Variants in NTN1 observed in about 807,000 individuals in gnomAD.
NTN1 encodes the protein netrin 1, also known as netrin-1.
Under a neutral mutation model 54.2 loss-of-function variants are expected in NTN1, and 11 were observed. The observed-to-expected ratio is 0.20, with a 90% confidence interval of 0.13 to 0.34. The LOEUF (loss-of-function observed/expected upper bound fraction) is 0.34, where lower values mean the gene tolerates loss of function less well. Ranked by LOEUF, NTN1 falls within the 10% of genes least tolerant of loss-of-function variation. The pLI is 1.00. For missense variants in NTN1, 740 were observed against 893.1 expected (o/e 0.83, Z 2.18); for synonymous variants, 371 against 382.0 (o/e 0.97, Z 0.33).
At chr17:9,233,414 G>C (rs558303380) in intron 6 of NTN1, among the ~76,000 whole-genome samples, 3 of 151,998 alleles carry the variant, frequency 2.0e-5, no homozygotes, top group African/African-American at 7.3e-5. Context: ...TGGCCCGGGC[G>C]GGGAGCTTTG....
intron 2 of NTN1, among the ~76,000 whole-genome samples, chr17:9,030,258 C>A (rs1248661850): frequency 6.6e-6 from 1 of 152,168 alleles, no homozygotes; most frequent in African/African-American, 2.4e-5. Flanking sequence ...AAGATACTCT[C>A]CGAGGAGAAA....
intron 3 of NTN1, 21 bp from the exon 4 acceptor site, chr17:9,179,786 C>A: frequency 6.2e-7 from 1 of 1,610,530 alleles, no homozygotes; most frequent in Non-Finnish European, 8.5e-7. Flanking sequence ...GTCTGACCCT[C>A]CCATTTTGTG....
intron 2 of NTN1, among the ~76,000 whole-genome samples, chr17:9,120,234 G>A (rs892174101): frequency 2.7e-5 from 4 of 148,670 alleles, no homozygotes; most frequent in South Asian, 2.1e-4. Context: ...GCAGTGAGCC[G>A]AGATCATGCC....
intron 2 of NTN1, among the ~76,000 whole-genome samples, chr17:9,110,374 A>G (rs959055186): frequency 2.0e-5 from 3 of 151,798 alleles, no homozygotes; most frequent in Non-Finnish European, 4.4e-5. Context: ...GGTTTAAACA[A>G]TTCTCCTGCC....
rs1905290489 is a variant in NTN1, at chr17:9,219,794, G to A, written c.1412-1374G>A. Among the ~76,000 whole-genome samples the A allele has an allele frequency of 6.6e-6, 1 of 152,238 alleles. No individual in the cohort carries two copies. The highest frequency in any genetic ancestry group is 2.4e-5 in the African/African-American group (1 of 41,460). Reference sequence around the variant, plus strand: ...CCTTTGTTTTCCCCTCTGCGGGATAGGACGCTGCCACCTGCCCCTGGAGCA... The same window carrying A: ...CCTTTGTTTTCCCCTCTGCGGGATAAGACGCTGCCACCTGCCCCTGGAGCA... On this transcript the variant is annotated intron_variant, in intron 5 of 6. Coordinates refer to ENST00000173229, the MANE Select transcript of NTN1 (RefSeq NM_004822.3). The surrounding 1 kb of genome is among the most constrained non-coding windows in gnomAD (Gnocchi z 4.5).
chr17:9,128,964 C>T (rs2092255404), intron 2 of NTN1, among the ~76,000 whole-genome samples: 1 of 152,198 alleles, frequency 6.6e-6, no homozygotes, highest in Non-Finnish European at 1.5e-5. Context: ...GCAGCTCTTT[C>T]CCCAATGCTG....
At chr17:9,189,935 C>T (rs903111063) in intron 5 of NTN1, among the ~76,000 whole-genome samples, 1 of 152,164 alleles carries the variant, frequency 6.6e-6, no homozygotes, top group Non-Finnish European at 1.5e-5. Context: ...ACAAGGTAGC[C>T]AGGGTGAGAC....
chr17:9,093,154 A>G (rs138591169), intron 2 of NTN1, among the ~76,000 whole-genome samples: 2,526 of 152,170 alleles, frequency 0.017, 68 homozygotes, highest in African/African-American at 0.058. Flanking sequence ...CGGCCTCCCA[A>G]AGTGTTGCGA....
At chr17:9,151,725 C>T (rs2092328086) in intron 2 of NTN1, among the ~76,000 whole-genome samples, 1 of 152,198 alleles carries the variant, frequency 6.6e-6, no homozygotes, top group Admixed American at 6.5e-5. Context: ...CTAAGGCTGA[C>T]CACGGAGGGT....
chr17:9,216,775 G>T (rs577513371), intron 5 of NTN1, among the ~76,000 whole-genome samples: 1 of 152,334 alleles, frequency 6.6e-6, no homozygotes, highest in South Asian at 2.1e-4. Flanking sequence ...GGGTGCGGTG[G>T]CTCACGCCTG....
chr17:9,017,715 T>G (rs561991697), upstream of NTN1, among the ~76,000 whole-genome samples: 4 of 152,332 alleles, frequency 2.6e-5, no homozygotes, highest in East Asian at 7.7e-4. Flanking sequence ...GAACTCCAGT[T>G]TGCTCTGTGG....
In NTN1 at chr17:9,241,848, G is replaced by T. The variant is rs1597558474; in HGVS notation, c.*1880G>T. On this transcript the variant is annotated 3_prime_UTR_variant, in exon 7 of 7. Transcript: ENST00000173229. ...GACTGGGGCTCAAACTCCAGAGCCC[G>T]ACTTTCTGACCAGGGGCCACGCTGG... 1 of 152,264 alleles carries T rather than the reference G, an allele frequency of 6.6e-6. No homozygotes were observed. The highest frequency in any genetic ancestry group is 1.5e-5 in the Non-Finnish European group (1 of 68,080). The allele number at this position is 152,264 out of a possible 1,614,324, so 9.4% of individuals were successfully genotyped here.
Position 9,219,957 on chromosome 17 carries a change from G to A in NTN1, c.1412-1211G>A, listed in dbSNP as rs1025538686. Among the ~76,000 whole-genome samples, 23 of 152,286 alleles carry A rather than the reference G, an allele frequency of 1.5e-4. No homozygotes were observed. Among genetic ancestry groups the A allele is most frequent in the African/African-American group, 5.5e-4 (23 of 41,562 alleles). On this transcript the variant is annotated intron_variant, in intron 5 of 6. Transcript: ENST00000173229. The surrounding 1 kb of genome is among the most constrained non-coding windows in gnomAD (Gnocchi z 4.5). Reference sequence around the variant, plus strand: ...CATGCCACCACTGCTTCTAGAACAGGCTGGGCCCCCTGCAGCTCCCTGCAG... The same window carrying A: ...CATGCCACCACTGCTTCTAGAACAGACTGGGCCCCCTGCAGCTCCCTGCAG...
chr17:9,228,285 A>C (rs1006661243), intron 6 of NTN1, among the ~76,000 whole-genome samples: 3 of 152,134 alleles, frequency 2.0e-5, no homozygotes, highest in Non-Finnish European at 4.4e-5. Context: ...TCCTCGGTGG[A>C]GGGAGGAAGG....
Position 9,200,483 on chromosome 17 carries a change from C to G in NTN1, c.1411+17514C>G, listed in dbSNP as rs574617412. Among the ~76,000 whole-genome samples the G allele has an allele frequency of 4.6e-5, 7 of 152,332 alleles. 1 individual carries two copies. Among genetic ancestry groups the G allele is most frequent in the African/African-American group, 1.7e-4 (7 of 41,582 alleles). ...CGCAGACGGATGGAGGCAGGTGCAG[C>G]CTTTTCTGCAATTTGGAAGGGTTTA... On this transcript the variant is annotated intron_variant, in intron 5 of 6. Coordinates refer to ENST00000173229, the MANE Select transcript of NTN1 (RefSeq NM_004822.3).
At chr17:9,215,371 A>G (rs1288406739) in intron 5 of NTN1, among the ~76,000 whole-genome samples, 1 of 152,120 alleles carries the variant, frequency 6.6e-6, no homozygotes, top group Non-Finnish European at 1.5e-5. Flanking sequence ...TATTTGCATT[A>G]TGTTTAAGAA....
At chr17:9,237,852 C>G (rs898983191) in intron 6 of NTN1, among the ~76,000 whole-genome samples, 2 of 152,144 alleles carry the variant, frequency 1.3e-5, no homozygotes, top group African/African-American at 4.8e-5. Context: ...AGGGCTCCCC[C>G]CACCCAGAGT....
chr17:9,071,383 A>G (rs151104736), intron 2 of NTN1, among the ~76,000 whole-genome samples: 6 of 152,176 alleles, frequency 3.9e-5, no homozygotes. Context: ...TTTCTAATAC[A>G]ATGATATCGT....
intron 2 of NTN1, among the ~76,000 whole-genome samples, chr17:9,151,756 A>C (rs957575656): frequency 1.3e-5 from 2 of 152,212 alleles, no homozygotes; most frequent in African/African-American, 4.8e-5. Context: ...AGGTGAAGCC[A>C]GCTGGACTTC....
Sources: allele counts gnomAD v4.1 joint callset (sites outside exome capture counted in the v4.1 genomes callset), GRCh38; gene constraint gnomAD v4.1.1; non-coding constraint Gnocchi (gnomAD v3.1); transcripts MANE v1.5; gene names NCBI Gene and HGNC (gene_info 2026-07-23, HGNC 2026-07-21).